The following ARHGAP19 variants were observed in gnomAD, a reference collection of about 807,000 sequenced individuals.
ARHGAP19 encodes the protein Rho GTPase activating protein 19.
In ARHGAP19, 48 loss-of-function variants were observed where a neutral mutation model predicts 60.9. The observed-to-expected ratio is 0.79, with a 90% CI of 0.62 to 1.00. ARHGAP19 has a LOEUF of 1.00. Ranked by LOEUF, ARHGAP19 falls within the 50% of genes least tolerant of loss-of-function variation. The pLI is 0.00. For missense variants in ARHGAP19, 562 were observed against 597.2 expected, an observed-to-expected ratio of 0.94 and a Z score of 0.61; for synonymous variants, 209 against 215.5, an observed-to-expected ratio of 0.97 and a Z score of 0.27.
At chr10:97,266,811 G>A (rs192947046) in intron 1 of ARHGAP19, among the ~76,000 whole-genome samples, 89 of 152,022 alleles carry the variant, frequency 5.9e-4, no homozygotes, top group Non-Finnish European at 9.7e-4. Context: ...ACTTATTCAC[G>A]CAGGGAAAAA....
chr10:97,245,233 C>T (rs1056839291), intron 7 of ARHGAP19, among the ~76,000 whole-genome samples: 7 of 152,068 alleles, frequency 4.6e-5, no homozygotes, highest in Admixed American at 4.6e-4. Context: ...TCTCAAACTC[C>T]TGATCTCAAG....
At chr10:97,258,207 G>A (rs1564721457) in intron 5 of ARHGAP19, among the ~76,000 whole-genome samples, 1 of 152,176 alleles carries the variant, frequency 6.6e-6, no homozygotes, top group East Asian at 1.9e-4. Flanking sequence ...AACAAAAAAT[G>A]GCTTGTAGAC....
chr10:97,239,067 G>A (rs1322065590), intron 8 of ARHGAP19, among the ~76,000 whole-genome samples: 1 of 152,190 alleles, frequency 6.6e-6, no homozygotes, highest in Non-Finnish European at 1.5e-5. Flanking sequence ...ATACCATACA[G>A]CCTAGGTGTG....
Position 97,235,090 on chromosome 10 carries a change from A to G in ARHGAP19, c.1284+127T>C, listed in dbSNP as rs1851104259. 4 of 799,682 alleles carry G rather than the reference A, an allele frequency of 5.0e-6. No individual in the cohort carries two copies. The Admixed American group carries it at 7.2e-5, about 14-fold the overall frequency. The allele number at this position is 799,682 out of a possible 1,614,324, so 49.5% of individuals were successfully genotyped here. A position where few individuals can be genotyped will look rare whatever the true frequency, so the allele number is the denominator to read the frequency against. On this transcript the variant is annotated intron_variant, in intron 9 of 11. Transcript: ENST00000358531. ...AAAAGCTTTTCAACATTTTGTCTTTACCCCCTTATAAACTAGCCCTTTATA... is the reference window on the plus strand; with the variant it reads ...AAAAGCTTTTCAACATTTTGTCTTTGCCCCCTTATAAACTAGCCCTTTATA...
chr10:97,280,175 G>C (rs1843065384), intron 1 of ARHGAP19, among the ~76,000 whole-genome samples: 1 of 152,130 alleles, frequency 6.6e-6, no homozygotes, highest in African/African-American at 2.4e-5. Context: ...AGGAGGCCGA[G>C]GTGGACAGAT....
intron 1 of ARHGAP19, among the ~76,000 whole-genome samples, chr10:97,287,216 A>G (rs1196965324): frequency 1.3e-5 from 2 of 151,974 alleles, no homozygotes; most frequent in Non-Finnish European, 2.9e-5. Flanking sequence ...CTCCCAAAAT[A>G]CTGGGATTAC....
At chr10:97,229,915 C>T in intron 9 of ARHGAP19, 41 bp from the exon 10 acceptor site, 1 of 1,398,616 alleles carries the variant, frequency 7.1e-7, no homozygotes, top group Non-Finnish European at 1.0e-6. Flanking sequence ...TAAACACCTA[C>T]TGCATCTACA....
At chr10:97,232,457 G>A (rs113272590) in intron 9 of ARHGAP19, among the ~76,000 whole-genome samples, 1 of 151,960 alleles carries the variant, frequency 6.6e-6, no homozygotes. Flanking sequence ...GCCACTGTGC[G>A]CGGCCTCTGC....
intron 5 of ARHGAP19, among the ~76,000 whole-genome samples, chr10:97,257,444 C>T (rs978974573): frequency 1.6e-4 from 24 of 152,072 alleles, no homozygotes; most frequent in Admixed American, 1.4e-3. Context: ...TGTGCCACCA[C>T]GTCCAGCTTA....
rs1842586177 is a variant in ARHGAP19, at chr10:97,247,955, T to C, written c.928-1618A>G. 2.1e-5 allele frequency among the ~76,000 whole-genome samples: 3 copies of C among 144,050 alleles called. No individual in the cohort carries two copies. In the South Asian group the frequency reaches 6.5e-4, roughly 31 times the overall value. 94.5% of individuals were successfully genotyped at this position (144,050 alleles called of 152,430 possible). ...AGATTTCTCTAAGTATATCTTTTAA[T>C]GTGGTTTTGACTTTTTTTTTTTTTT... is the stretch of plus-strand genomic sequence containing the variant. On this transcript the variant is annotated intron_variant, in intron 6 of 11. Transcript: ENST00000358531.
At position 97,223,473 on chromosome 10, in the gene ARHGAP19, G is replaced by A. The variant is rs1850842491; in HGVS notation, c.*2649C>T. On this transcript the variant is annotated 3_prime_UTR_variant, in exon 12 of 12. Transcript: ENST00000358531. ...GGTTCACACAGTACAGTCTGGACCA[G>A]GAAGGTGGCCTGCAGTTTAATATGT... is the stretch of plus-strand genomic sequence containing the variant. 1 of 152,188 alleles carries A rather than the reference G, an allele frequency of 6.6e-6. No homozygotes were observed. The highest frequency in any genetic ancestry group is 1.5e-5 in the Non-Finnish European group (1 of 68,056). 9.4% of individuals were successfully genotyped at this position (152,188 alleles called of 1,614,324 possible).
intron 1 of ARHGAP19, among the ~76,000 whole-genome samples, chr10:97,271,538 G>A (rs541861593): frequency 1.3e-5 from 2 of 151,750 alleles, no homozygotes; most frequent in Non-Finnish European, 2.9e-5. Flanking sequence ...GCAGAGGAGG[G>A]GACCTAATGA....
In ARHGAP19 at chr10:97,259,403, T is replaced by C; in HGVS notation, c.839A>G (p.Asn280Ser). Residue 280 changes from asparagine (N) to serine (S), a missense_variant and splice_region_variant, in exon 5 of 12, where the codon AAT becomes AGT. By Grantham distance (46) the Asn-to-Ser change is conservative. Coordinates refer to ENST00000358531, the MANE Select transcript of ARHGAP19 (RefSeq NM_032900.6). Reference protein sequence around the residue: ...MFAPHVLWPKNVTANDLQENI... With the variant: ...MFAPHVLWPKSVTANDLQENI... ...TTTACTCTTCCCGTCAACACTCACA[T>C]TTTTTGGCCACAGGACATGGGGTGC... 6.2e-7 allele frequency: 1 copy of C among 1,611,204 alleles called. No individual in the cohort carries two copies. The highest frequency in any genetic ancestry group is 1.7e-5 in the Admixed American group (1 of 59,968).
chr10:97,231,037 CCT>C (rs775480306), intron 9 of ARHGAP19, among the ~76,000 whole-genome samples: 118,632 of 130,904 alleles, frequency 0.91, 54,223 homozygotes, highest in Non-Finnish European at 0.97. Flanking sequence ...AGCCTGCACA[CCT>C]AGTGAGACTC....
intron 1 of ARHGAP19, among the ~76,000 whole-genome samples, chr10:97,286,134 G>T (rs79469246): frequency 0.041 from 6,273 of 152,238 alleles, 203 homozygotes; most frequent in Non-Finnish European, 0.061. Flanking sequence ...TTACCCTTCA[G>T]ATAGAATTTA....
Position 97,243,991 on chromosome 10 carries a change from T to C in ARHGAP19, c.1162A>G (p.Lys388Glu), listed in dbSNP as rs1244678109. ...QHVHDMPESA[K>E]KKQLIRQFNK... Reference sequence around the variant, plus strand: ...ACCTGTCTAATAAGTTGTTTCTTCTTTGCTGACTCTGGCATATCATGAACG... The same window carrying C: ...ACCTGTCTAATAAGTTGTTTCTTCTCTGCTGACTCTGGCATATCATGAACG... Residue 388 changes from lysine (K) to glutamate (E), a missense_variant, in exon 8 of 12, where the codon AAG (lysine) becomes GAG (glutamate). By Grantham distance (56) the Lys-to-Glu change is moderately conservative (BLOSUM62 1). Transcript: ENST00000358531. The C allele has an allele frequency of 6.2e-7, 1 of 1,610,772 alleles. No homozygotes were observed. Among genetic ancestry groups the C allele is most frequent in the Admixed American group, 1.7e-5 (1 of 59,022 alleles).
chr10:97,282,837 T>C (rs1189353806), intron 1 of ARHGAP19, among the ~76,000 whole-genome samples: 3 of 131,746 alleles, frequency 2.3e-5, no homozygotes, highest in Non-Finnish European at 4.7e-5. Flanking sequence ...AGTTTCTTTT[T>C]TCTTTTTTTT....
At chr10:97,262,944 C>T (rs1388423109) in intron 4 of ARHGAP19, among the ~76,000 whole-genome samples, 1 of 152,056 alleles carries the variant, frequency 6.6e-6, no homozygotes, top group Admixed American at 6.6e-5. Context: ...AACCCCATGT[C>T]TACAAAAATT....
At chr10:97,245,231 T>C (rs1842546262) in intron 7 of ARHGAP19, among the ~76,000 whole-genome samples, 1 of 151,948 alleles carries the variant, frequency 6.6e-6, no homozygotes, top group Admixed American at 6.6e-5. Flanking sequence ...GGTCTCAAAC[T>C]CCTGATCTCA....
Sources: gnomAD v4.1 joint callset for allele counts (sites outside exome capture counted in the v4.1 genomes callset) on GRCh38, gnomAD v4.1.1 for gene constraint, MANE v1.5 for transcripts, NCBI Gene and HGNC (gene_info 2026-07-23, HGNC 2026-07-21) for gene names.